NALF1: variants seen among roughly 807,000 people sequenced by gnomAD.
The protein encoded by NALF1 is NALCN channel auxiliary factor 1, also known as family with sequence similarity 155 member A.
A neutral mutation model predicts 48.4 loss-of-function variants in NALF1; 3 were observed. The ratio of observed to expected loss-of-function variants is 0.06; its 90% CI spans 0.03 to 0.16. The LOEUF (loss-of-function observed/expected upper bound fraction) is 0.16, where lower values mean the gene tolerates loss of function less well. Among genes scored for constraint, NALF1 ranks in the 10% least tolerant of loss-of-function variants. The probability of loss-of-function intolerance (pLI) is 1.00; values close to 1 mark genes in which losing one functional copy is unlikely to be tolerated. For synonymous variants in NALF1, 262 were observed against 245.7 expected, an observed-to-expected ratio of 1.07 and a Z score of -0.62; for missense variants, 526 against 571.5, an observed-to-expected ratio of 0.92 and a Z score of 0.81.
intron 1 of NALF1, among the ~76,000 whole-genome samples, chr13:107,569,404 G>A (rs866538279): frequency 1.4e-4 from 22 of 151,984 alleles, no homozygotes; most frequent in African/African-American, 5.1e-4. Flanking sequence ...CCCGGGGGGC[G>A]GAGCTTGCAG....
At chr13:107,466,476 T>C (rs1594077803) in intron 1 of NALF1, 1 of 152,318 alleles carries the variant, frequency 6.6e-6, no homozygotes. Flanking sequence ...TTGCAGGACA[T>C]GGAAGATCCA....
chr13:107,685,701 C>T (rs982602191), intron 1 of NALF1, among the ~76,000 whole-genome samples: 9 of 152,134 alleles, frequency 5.9e-5, no homozygotes, highest in East Asian at 3.9e-4. Flanking sequence ...TTGAATGGAT[C>T]GATGGATCTC....
intron 1 of NALF1, among the ~76,000 whole-genome samples, chr13:107,382,112 A>AT (rs1490776569): frequency 6.6e-6 from 1 of 152,122 alleles, no homozygotes; most frequent in African/African-American, 2.4e-5. Context: ...GTACCCCCTC[A>AT]TTTCATTTCC....
chr13:107,676,375 G>A (rs1250857999), intron 1 of NALF1, among the ~76,000 whole-genome samples: 8 of 152,120 alleles, frequency 5.3e-5, no homozygotes, highest in African/African-American at 1.2e-4. Context: ...TTCAAGTGGA[G>A]GAATAGTGGG....
At chr13:107,192,598 C>T (rs1373590352) in intron 2 of NALF1, among the ~76,000 whole-genome samples, 5 of 152,140 alleles carry the variant, frequency 3.3e-5, no homozygotes, top group African/African-American at 1.2e-4. Context: ...TCCTTTGTTA[C>T]TACTCTAATT....
chr13:107,509,299 T>A (rs1387296723), intron 1 of NALF1, among the ~76,000 whole-genome samples: 1 of 152,188 alleles, frequency 6.6e-6, no homozygotes, highest in African/African-American at 2.4e-5. Context: ...TAGAATTGAT[T>A]GCTCTATTTC....
intron 1 of NALF1, among the ~76,000 whole-genome samples, chr13:107,215,428 G>A (rs1879852364): frequency 6.6e-6 from 1 of 152,028 alleles, no homozygotes; most frequent in African/African-American, 2.4e-5. Context: ...AGGTGATCAG[G>A]GAGAGCAAAG....
At chr13:107,777,104 G>A (rs1244084405) in intron 1 of NALF1, among the ~76,000 whole-genome samples, 2 of 151,858 alleles carry the variant, frequency 1.3e-5, no homozygotes, top group East Asian at 1.9e-4. Flanking sequence ...ACAAACGAAC[G>A]AACAAAAAAC....
intron 1 of NALF1, among the ~76,000 whole-genome samples, chr13:107,700,181 A>C (rs1881786336): frequency 1.3e-5 from 2 of 151,708 alleles, no homozygotes; most frequent in African/African-American, 4.8e-5. Context: ...ACTAAAAAAA[A>C]CCCTGAATAG....
chr13:107,280,376 A>G (rs988968348), intron 1 of NALF1, among the ~76,000 whole-genome samples: 1 of 152,224 alleles, frequency 6.6e-6, no homozygotes, highest in African/African-American at 2.4e-5. Flanking sequence ...TCAGTTACAT[A>G]CAAAACCACA....
chr13:107,408,602 A>G (rs1883940078), intron 1 of NALF1, among the ~76,000 whole-genome samples: 1 of 152,122 alleles, frequency 6.6e-6, no homozygotes, highest in African/African-American at 2.4e-5. Context: ...GGGTAACACA[A>G]TTTTAACAAG....
At chr13:107,861,944 A>C (rs1476226854) in intron 1 of NALF1, among the ~76,000 whole-genome samples, 1 of 152,244 alleles carries the variant, frequency 6.6e-6, no homozygotes, top group Non-Finnish European at 1.5e-5. Context: ...ATACATGCCT[A>C]ATACTTGCAA....
chr13:107,454,616 T>C (rs956073368), intron 1 of NALF1, among the ~76,000 whole-genome samples: 1 of 152,198 alleles, frequency 6.6e-6, no homozygotes, highest in African/African-American at 2.4e-5. Context: ...AGTCTAACCA[T>C]ATCACAGTTG....
intron 1 of NALF1, among the ~76,000 whole-genome samples, chr13:107,451,509 C>G (rs1315217197): frequency 1.3e-5 from 2 of 152,150 alleles, no homozygotes; most frequent in Non-Finnish European, 2.9e-5. Context: ...TATGAAATAA[C>G]AGGGCACCGT....
intron 1 of NALF1, among the ~76,000 whole-genome samples, chr13:107,677,518 T>C (rs1881162335): frequency 6.6e-6 from 1 of 152,112 alleles, no homozygotes; most frequent in Admixed American, 6.6e-5. Flanking sequence ...AGCACATTAT[T>C]ATTTATAATA....
chr13:107,508,866 G>C (rs1019717322), intron 1 of NALF1, among the ~76,000 whole-genome samples: 7 of 151,814 alleles, frequency 4.6e-5, no homozygotes, highest in Non-Finnish European at 7.4e-5. Context: ...AACAACAAAA[G>C]CTGGAAAATA....
chr13:107,790,116 G>C (rs1363101772), intron 1 of NALF1, among the ~76,000 whole-genome samples: 2 of 152,114 alleles, frequency 1.3e-5, no homozygotes, highest in African/African-American at 2.4e-5. Context: ...GAGTGGTTCA[G>C]ACATAATATT....
In NALF1 at chr13:107,488,302, T is replaced by C. The variant is rs945456603; in HGVS notation, c.916-277547A>G. Among the ~76,000 whole-genome samples the C allele has an allele frequency of 2.0e-5, 3 of 152,118 alleles. No homozygotes were observed. In the East Asian group the frequency reaches 5.8e-4, roughly 29 times the overall value. The stretch of plus-strand genomic sequence containing the variant: ...TTCAGCTCTGATTTTGGTTATTTCT[T>C]GTCTTCTGCTAGCTTTCGGATTTGT... On this transcript the variant is annotated intron_variant, in intron 1 of 2. Coordinates refer to ENST00000375915, the MANE Select transcript of NALF1 (RefSeq NM_001080396.3).
At chr13:107,661,177 C>T (rs568259127) in intron 1 of NALF1, among the ~76,000 whole-genome samples, 6 of 152,262 alleles carry the variant, frequency 3.9e-5, no homozygotes, top group Non-Finnish European at 8.8e-5. Flanking sequence ...GAGGAAATTT[C>T]TTGAGCAACT....
Sources: allele counts gnomAD v4.1 joint callset (sites outside exome capture counted in the v4.1 genomes callset), GRCh38; gene constraint gnomAD v4.1.1; transcripts MANE v1.5; gene names NCBI Gene and HGNC (gene_info 2026-07-23, HGNC 2026-07-21).